Variants in RGS5 observed in about 807,000 individuals in gnomAD.
RGS5 encodes regulator of G-protein signalling 5.
Under a neutral mutation model 18.9 loss-of-function variants are expected in RGS5, and 20 were observed. That is an observed-to-expected ratio of 1.06 (90% CI 0.74 to 1.54). The LOEUF (loss-of-function observed/expected upper bound fraction) is 1.54. Among genes scored for constraint, RGS5 ranks in the 40% most tolerant of loss-of-function variants. The pLI, the probability that RGS5 is intolerant of heterozygous loss-of-function variation, is 0.00. For synonymous variants in RGS5, 57 were observed against 76.2 expected, an observed-to-expected ratio of 0.75 and a Z score of 1.31; for missense variants, 201 against 211.8, an observed-to-expected ratio of 0.95 and a Z score of 0.32.
intron 1 of RGS5, among the ~76,000 whole-genome samples, chr1:163,311,419 T>C (rs1423852898): frequency 6.6e-6 from 1 of 152,238 alleles, no homozygotes; most frequent in Non-Finnish European, 1.5e-5. Context: ...AAATTGGCTG[T>C]CTGGCACAAG....
intron 2 of RGS5, 34 bp from the exon 3 acceptor site, chr1:163,162,010 G>C (rs1206706138): frequency 6.7e-7 from 1 of 1,489,016 alleles, no homozygotes; most frequent in Non-Finnish European, 9.4e-7. Context: ...AAGGGGTATG[G>C]CGTAAGTAGG....
intron 2 of RGS5, among the ~76,000 whole-genome samples, chr1:163,253,317 C>T (rs1571320430): frequency 6.6e-6 from 1 of 151,790 alleles, no homozygotes; most frequent in South Asian, 2.1e-4. Flanking sequence ...CAGATAAGGC[C>T]ATTTTTCTTG....
At chr1:163,258,678 A>AT (rs1230764025) in intron 2 of RGS5, among the ~76,000 whole-genome samples, 8 of 147,198 alleles carry the variant, frequency 5.4e-5, no homozygotes, top group Admixed American at 1.4e-4. Flanking sequence ...TGTGTGTACA[A>AT]TTTTTTTTTG....
At chr1:163,225,181 T>C (rs2101680625) in intron 2 of RGS5, among the ~76,000 whole-genome samples, 1 of 152,302 alleles carries the variant, frequency 6.6e-6, no homozygotes, top group African/African-American at 2.4e-5. Flanking sequence ...GTTTTGAGTA[T>C]AATGAGCATC....
intron 2 of RGS5, among the ~76,000 whole-genome samples, chr1:163,245,540 C>T (rs1021948042): frequency 6.6e-6 from 1 of 152,136 alleles, no homozygotes; most frequent in African/African-American, 2.4e-5. Context: ...AATCAGGAAC[C>T]AAGGTTTTTG....
rs757440527 is a variant in RGS5, at chr1:163,202,844, G to A, written c.-9C>T. 1.5e-5 allele frequency: 24 copies of A among 1,613,202 alleles called. No homozygotes were observed. The South Asian group carries it at 2.1e-4, about 14-fold the overall frequency. Reference sequence around the variant, plus strand: ...GCAAGTCCTTTGCACATTTTGGCAGGTGGCTTAGCTCCTCCGCTTTAAGTA... The same window carrying A: ...GCAAGTCCTTTGCACATTTTGGCAGATGGCTTAGCTCCTCCGCTTTAAGTA... On this transcript the variant is annotated 5_prime_UTR_variant, in exon 1 of 5. Coordinates refer to ENST00000313961, the MANE Select transcript of RGS5 (RefSeq NM_003617.4).
intron 1 of RGS5, among the ~76,000 whole-genome samples, chr1:163,186,167 T>C (rs1182333547): frequency 1.3e-5 from 2 of 149,948 alleles, no homozygotes; most frequent in African/African-American, 4.9e-5. Flanking sequence ...TACCTCTAGG[T>C]TCAAGCAATT....
chr1:163,147,249 A>T lies in RGS5; in HGVS notation c.*93T>A. ...TTCCCATGTGGGTATCACTGAGCAA[A>T]GCTGCTGTGGGAAGATATGTAGATT... On this transcript the variant is annotated 3_prime_UTR_variant, in exon 5 of 5. Coordinates refer to ENST00000313961, the MANE Select transcript of RGS5 (RefSeq NM_003617.4). The T allele has an allele frequency of 7.3e-7, 1 of 1,362,562 alleles. No individual in the cohort carries two copies. Among genetic ancestry groups the T allele is most frequent in the Non-Finnish European group, 9.8e-7 (1 of 1,016,910 alleles). The allele number at this position is 1,362,562 out of a possible 1,614,324, so 84.4% of individuals were successfully genotyped here.
chr1:163,229,361 A>C (rs1647414759), intron 2 of RGS5, among the ~76,000 whole-genome samples: 1 of 152,136 alleles, frequency 6.6e-6, no homozygotes, highest in South Asian at 2.1e-4. Flanking sequence ...TATCATGAGA[A>C]CAGCATGGGG....
chr1:163,204,714 T>C (rs973757502), upstream of RGS5, among the ~76,000 whole-genome samples: 1 of 152,164 alleles, frequency 6.6e-6, no homozygotes, highest in Non-Finnish European at 1.5e-5. Flanking sequence ...CATCAGCAAA[T>C]CAATTAATTA....
At chr1:163,241,785 A>G (rs1647798577) in intron 2 of RGS5, among the ~76,000 whole-genome samples, 1 of 152,110 alleles carries the variant, frequency 6.6e-6, no homozygotes, top group Non-Finnish European at 1.5e-5. Flanking sequence ...TAAGATAAAA[A>G]TATTTAAAAT....
At chr1:163,201,684 T>C (rs1197821930) in intron 1 of RGS5, among the ~76,000 whole-genome samples, 1 of 152,124 alleles carries the variant, frequency 6.6e-6, no homozygotes, top group Non-Finnish European at 1.5e-5. Flanking sequence ...TATGCTACAA[T>C]GTTATCTCCT....
chr1:163,208,489 T>C (rs1180831133), intron 1 of RGS5, among the ~76,000 whole-genome samples: 5 of 105,278 alleles, frequency 4.7e-5, no homozygotes, highest in African/African-American at 1.8e-4. Flanking sequence ...ACTCCAACCC[T>C]GGGCAACAGA....
At chr1:163,303,052 C>T (rs1384835447) in intron 2 of RGS5, among the ~76,000 whole-genome samples, 2 of 152,072 alleles carry the variant, frequency 1.3e-5, no homozygotes, top group African/African-American at 4.8e-5. Flanking sequence ...CTGAAGCTAA[C>T]ATAGATGTAA....
At chr1:163,293,021 A>G (rs1052792511) in intron 2 of RGS5, among the ~76,000 whole-genome samples, 5 of 152,126 alleles carry the variant, frequency 3.3e-5, no homozygotes, top group African/African-American at 1.2e-4. Context: ...CTTTAGTTTA[A>G]TTAGATCCCA....
intron 2 of RGS5, among the ~76,000 whole-genome samples, chr1:163,246,346 G>A (rs955486419): frequency 4.0e-5 from 6 of 151,808 alleles, no homozygotes; most frequent in Non-Finnish European, 7.4e-5. Context: ...TGAGGCGGGC[G>A]GATCACGAGG....
chr1:163,306,579 A>G (rs1649706164), intron 1 of RGS5, among the ~76,000 whole-genome samples: 1 of 152,170 alleles, frequency 6.6e-6, no homozygotes, highest in Non-Finnish European at 1.5e-5. Context: ...GTGTCCTCTA[A>G]AAGAGATATG....
rs1487419961 is a variant in RGS5, at chr1:163,142,909, T to C, written c.*4433A>G. On this transcript the variant is annotated 3_prime_UTR_variant, in exon 5 of 5. Transcript: ENST00000313961. ...ATGTTGAAGAGGCTGATTTGTAGTTTCTCTACTAGAAAAATAATAAGATGT... is the reference window on the plus strand; with the variant it reads ...ATGTTGAAGAGGCTGATTTGTAGTTCCTCTACTAGAAAAATAATAAGATGT... The C allele has an allele frequency of 1.3e-5, 2 of 152,194 alleles. No homozygotes were observed. The highest frequency in any genetic ancestry group is 2.9e-5 in the Non-Finnish European group (2 of 68,034). 9.4% of individuals were successfully genotyped at this position (152,194 alleles called of 1,614,324 possible). A position where few individuals can be genotyped will look rare whatever the true frequency, so the allele number is the denominator to read the frequency against.
At chr1:163,217,592 C>T (rs2101675805) in exon 1 of RGS5, 1 of 1,546,114 alleles carries the variant, frequency 6.5e-7, no homozygotes, top group African/African-American at 1.4e-5. Flanking sequence ...TTCTTGCGCA[C>T]ATTTTTCACT....
Sources: gnomAD v4.1 joint callset for allele counts (sites outside exome capture counted in the v4.1 genomes callset) on GRCh38, gnomAD v4.1.1 for gene constraint, MANE v1.5 for transcripts, NCBI Gene and HGNC (gene_info 2026-07-23, HGNC 2026-07-21) for gene names.